GFPT1: variants seen among roughly 807,000 people sequenced by gnomAD.
GFPT1 encodes the protein glutamine--fructose-6-phosphate transaminase 1.
Under a neutral mutation model 92.0 loss-of-function variants are expected in GFPT1, and 40 were observed. The ratio of observed to expected loss-of-function variants is 0.43; its 90% CI spans 0.34 to 0.57. The LOEUF is 0.57. GFPT1 is among the 20% of genes least tolerant of loss of function. The pLI is 0.02. For synonymous variants in GFPT1, 269 were observed against 280.6 expected (o/e 0.96, Z 0.41); for missense variants, 448 against 869.1 (o/e 0.52, Z 6.09).
rs375455794 is a variant in GFPT1, at chr2:69,363,682, G to A, written c.224-12C>T. On this transcript the variant is annotated splice_polypyrimidine_tract_variant and intron_variant, in intron 3 of 19. Transcript: ENST00000357308. ...CATATCTTGTTGCTCTGAAGAATAT[G>A]AAAAGAAAAATTTCAATATTAAATC... 185 of 1,580,822 alleles carry A rather than the reference G, an allele frequency of 1.2e-4. No individual in the cohort carries two copies. The African/African-American group carries it at 2.3e-3, about 20-fold the overall frequency.
intron 3 of GFPT1, among the ~76,000 whole-genome samples, chr2:69,369,368 T>C (rs529525285): frequency 2.0e-5 from 3 of 152,304 alleles, no homozygotes; most frequent in South Asian, 4.1e-4. Flanking sequence ...TGGAGAATTT[T>C]AAAAATATTT....
In GFPT1 at chr2:69,328,263, C is replaced by T. The variant is rs776441689; in HGVS notation, c.1893+8G>A. 3.7e-6 allele frequency: 6 copies of T among 1,611,232 alleles called. No homozygotes were observed. The highest frequency in any genetic ancestry group is 1.7e-4 in the Middle Eastern group (1 of 6,054). On this transcript the variant is annotated splice_region_variant and intron_variant, in intron 18 of 19. Transcript: ENST00000357308. ...TCCCCAAGGTGTTCTCACAGTCCCCCGACTTACCTGCCGAGCAACCACTTG... is the reference window on the plus strand; with the variant it reads ...TCCCCAAGGTGTTCTCACAGTCCCCTGACTTACCTGCCGAGCAACCACTTG...
At chr2:69,373,299 A>G (rs1671795315) in intron 2 of GFPT1, among the ~76,000 whole-genome samples, 1 of 152,136 alleles carries the variant, frequency 6.6e-6, no homozygotes, top group South Asian at 2.1e-4. Context: ...AAGTTGCCAG[A>G]AAGTTATGTT....
chr2:69,374,156 A>C (rs771262442), intron 1 of GFPT1, 43 bp from the exon 2 acceptor site: 5 of 958,748 alleles, frequency 5.2e-6, no homozygotes, highest in South Asian at 1.3e-5. Flanking sequence ...TGATTTAAAA[A>C]ATCAAAATTA....
At chr2:69,374,645 A>C (rs1671831106) in intron 1 of GFPT1, among the ~76,000 whole-genome samples, 1 of 152,170 alleles carries the variant, frequency 6.6e-6, no homozygotes, top group East Asian at 1.9e-4. Context: ...CTTATTTTCC[A>C]TGACTGCCAT....
chr2:69,369,902 G>A (rs981424944), intron 3 of GFPT1, 99 bp downstream of exon 3: 2 of 775,190 alleles, frequency 2.6e-6, no homozygotes, highest in South Asian at 1.4e-5. Context: ...CATTAAAATT[G>A]GTCCCAAAAT....
In GFPT1 at chr2:69,347,901, T is replaced by C. The variant is rs549505084; in HGVS notation, c.1009+270A>G. Among the ~76,000 whole-genome samples, 3 of 152,348 alleles carry C rather than the reference T, an allele frequency of 2.0e-5. No individual in the cohort carries two copies. The South Asian group carries it at 6.2e-4, about 32-fold the overall frequency. ...AAAAAGGAACAGAACATTAACTATT[T>C]TTATGTTTATAAAGTATCTTTAAAG... On this transcript the variant is annotated intron_variant, in intron 11 of 19. Transcript: ENST00000357308.
chr2:69,370,671 C>T (rs1456489905), intron 2 of GFPT1, among the ~76,000 whole-genome samples: 4 of 152,098 alleles, frequency 2.6e-5, no homozygotes, highest in African/African-American at 9.7e-5. Context: ...AAAGCTACAG[C>T]TACAGCAAAG....
intron 9 of GFPT1, among the ~76,000 whole-genome samples, chr2:69,353,438 G>T (rs1671260058): frequency 2.0e-5 from 3 of 152,206 alleles, no homozygotes. Context: ...AGAGGCTGAG[G>T]TGGGAGAATC....
chr2:69,342,315 TG>T, intron 12 of GFPT1, 66 bp from the exon 13 acceptor site: 2 of 938,862 alleles, frequency 2.1e-6, no homozygotes, highest in Non-Finnish European at 3.5e-6. Flanking sequence ...AATCGCATTT[TG>T]TGAGTATCCA....
intron 13 of GFPT1, 77 bp from the exon 14 acceptor site, chr2:69,338,642 T>C (rs1670860506): frequency 6.1e-6 from 9 of 1,463,836 alleles, no homozygotes; most frequent in South Asian, 3.5e-5. Flanking sequence ...ATTCAATGTA[T>C]AGTTTTTGCT....
At chr2:69,383,218 T>C (rs1291475507) in intron 1 of GFPT1, among the ~76,000 whole-genome samples, 3 of 152,222 alleles carry the variant, frequency 2.0e-5, no homozygotes, top group African/African-American at 7.2e-5. Context: ...TAGGTATATA[T>C]TTAGAACTTT....
At position 69,324,660 on chromosome 2, in the gene GFPT1, C is replaced by T. The variant is rs745918107; in HGVS notation, c.*1529G>A. 1 of 151,966 alleles carries T rather than the reference C, an allele frequency of 6.6e-6. No homozygotes were observed. The highest frequency in any genetic ancestry group is 1.5e-5 in the Non-Finnish European group (1 of 67,990). 9.4% of individuals were successfully genotyped at this position (151,966 alleles called of 1,614,324 possible). On this transcript the variant is annotated 3_prime_UTR_variant, in exon 20 of 20. Coordinates refer to ENST00000357308, the MANE Select transcript of GFPT1 (RefSeq NM_001244710.2). ...TAACTATTAGAAAATCTTAACCTCACCCAGAAGTTAAAACAAGAAAAGAAA... is the reference window on the plus strand; with the variant it reads ...TAACTATTAGAAAATCTTAACCTCATCCAGAAGTTAAAACAAGAAAAGAAA...
chr2:69,330,454 T>C (rs1670632622), intron 15 of GFPT1, among the ~76,000 whole-genome samples: 1 of 152,012 alleles, frequency 6.6e-6, no homozygotes, highest in African/African-American at 2.4e-5. Context: ...AGGCAAGTGC[T>C]TGATAAACTC....
intron 10 of GFPT1, among the ~76,000 whole-genome samples, chr2:69,349,852 AC>A (rs1671165008): frequency 6.6e-6 from 1 of 152,198 alleles, no homozygotes; most frequent in African/African-American, 2.4e-5. Flanking sequence ...ATACACTGGA[AC>A]AAGTCTCAAG....
At position 69,359,242 on chromosome 2, in the gene GFPT1, G is replaced by C. The variant is rs748768925; in HGVS notation, c.408+26C>G. ...TCGTTAGAAGTATTCTCAAAGACTG[G>C]GGTCTTTTGAGGTCACCTTACTTAC... On this transcript the variant is annotated intron_variant, in intron 5 of 19. Transcript: ENST00000357308. 3 of 1,284,910 alleles carry C rather than the reference G, an allele frequency of 2.3e-6. No homozygotes were observed. In the East Asian group the frequency reaches 6.9e-5, roughly 30 times the overall value. 79.6% of individuals were successfully genotyped at this position (1,284,910 alleles called of 1,614,324 possible).
At chr2:69,364,860 T>G (rs758206514) in intron 3 of GFPT1, among the ~76,000 whole-genome samples, 2 of 151,658 alleles carry the variant, frequency 1.3e-5, no homozygotes, top group African/African-American at 4.8e-5. Context: ...CCGGGTGTGG[T>G]GGTGCGCGCC....
At chr2:69,367,485 C>G (rs762619845) in intron 3 of GFPT1, among the ~76,000 whole-genome samples, 1 of 152,088 alleles carries the variant, frequency 6.6e-6, no homozygotes, top group African/African-American at 2.4e-5. Flanking sequence ...CTCAGCCTCC[C>G]GAATAGCTGG....
intron 3 of GFPT1, among the ~76,000 whole-genome samples, chr2:69,369,798 A>G (rs1217916813): frequency 6.6e-6 from 1 of 152,170 alleles, no homozygotes; most frequent in African/African-American, 2.4e-5. Flanking sequence ...CCTAGTTGCA[A>G]TGATTATTTT....
Sources: allele counts gnomAD v4.1 joint callset (sites outside exome capture counted in the v4.1 genomes callset), GRCh38; gene constraint gnomAD v4.1.1; transcripts MANE v1.5; gene names NCBI Gene and HGNC (gene_info 2026-07-23, HGNC 2026-07-21).